The following PDLIM5 variants were observed in gnomAD, a reference collection of about 807,000 sequenced individuals.
The protein encoded by PDLIM5 is PDZ and LIM domain 5, also known as PDZ and LIM domain protein 5.
A neutral mutation model predicts 64.2 loss-of-function variants in PDLIM5; 34 were observed. The ratio of observed to expected loss-of-function variants is 0.53; its 90% CI spans 0.40 to 0.71. The LOEUF (loss-of-function observed/expected upper bound fraction) is 0.71, where lower values mean the gene tolerates loss of function less well. Ranked by LOEUF, PDLIM5 falls within the 30% of genes least tolerant of loss-of-function variation. The probability of loss-of-function intolerance (pLI) is 0.00; values close to 1 mark genes in which losing one functional copy is unlikely to be tolerated. For missense variants in PDLIM5, 683 were observed against 733.6 expected (o/e 0.93, Z 0.80); for synonymous variants, 253 against 269.1 (o/e 0.94, Z 0.59).
At chr4:94,584,827 A>G in intron 5 of PDLIM5, 2 of 563,694 alleles carry the variant, frequency 3.5e-6, no homozygotes, top group South Asian at 2.5e-5. Flanking sequence ...TGTGTTTCGT[A>G]TGGCATACAG....
chr4:94,511,973 G>A (rs1354202171), intron 2 of PDLIM5, among the ~76,000 whole-genome samples: 1 of 148,258 alleles, frequency 6.7e-6, no homozygotes, highest in Non-Finnish European at 1.5e-5. Context: ...CTGACTTCCT[G>A]TCTTTTGAGT....
chr4:94,626,584 T>C (rs917202409), intron 8 of PDLIM5, among the ~76,000 whole-genome samples: 2 of 152,208 alleles, frequency 1.3e-5, no homozygotes, highest in African/African-American at 4.8e-5. Context: ...TGGCAACTGC[T>C]AAGATCTGTT....
At chr4:94,586,770 A>G (rs920035277) in intron 7 of PDLIM5, among the ~76,000 whole-genome samples, 1 of 152,182 alleles carries the variant, frequency 6.6e-6, no homozygotes, top group African/African-American at 2.4e-5. Context: ...TTTTGAACAT[A>G]AAAATGTATG....
intron 4 of PDLIM5, 183 bp downstream of exon 4, chr4:94,573,576 A>G (rs770249727): frequency 2.4e-5 from 16 of 657,780 alleles, no homozygotes; most frequent in Non-Finnish European, 3.9e-5. Flanking sequence ...ACCATTTGTA[A>G]TTATACATGT....
intron 7 of PDLIM5, among the ~76,000 whole-genome samples, chr4:94,605,674 G>A (rs1737850829): frequency 6.6e-6 from 1 of 152,158 alleles, no homozygotes; most frequent in African/African-American, 2.4e-5. Flanking sequence ...GCAATGAAGA[G>A]ATAATCAATA....
intron 2 of PDLIM5, among the ~76,000 whole-genome samples, chr4:94,499,652 C>T (rs1449224986): frequency 6.6e-6 from 1 of 152,092 alleles, no homozygotes; most frequent in Non-Finnish European, 1.5e-5. Flanking sequence ...GGCACTAGTC[C>T]CCAGTCCCCG....
chr4:94,647,084 A>G (rs1164945797), intron 9 of PDLIM5, among the ~76,000 whole-genome samples: 1 of 152,168 alleles, frequency 6.6e-6, no homozygotes, highest in Non-Finnish European at 1.5e-5. Flanking sequence ...TTATGTAGGA[A>G]AGGGAACAAA....
intron 2 of PDLIM5, chr4:94,456,820 T>A (rs1723414755): frequency 1.7e-6 from 2 of 1,148,156 alleles, no homozygotes; most frequent in Non-Finnish European, 2.2e-6. Flanking sequence ...CCAACAAACT[T>A]GGATATTTAT....
At chr4:94,516,103 G>A (rs1204849561) in intron 2 of PDLIM5, among the ~76,000 whole-genome samples, 1 of 152,204 alleles carries the variant, frequency 6.6e-6, no homozygotes, top group Non-Finnish European at 1.5e-5. Flanking sequence ...AGAGTAAGAT[G>A]CTGTTTTACT....
intron 2 of PDLIM5, among the ~76,000 whole-genome samples, chr4:94,486,106 T>C (rs560066326): frequency 8.4e-4 from 128 of 152,302 alleles, no homozygotes; most frequent in Non-Finnish European, 1.7e-3. Context: ...AAAATTCTTA[T>C]GTTCCAACCA....
At position 94,575,782 on chromosome 4, in the gene PDLIM5, C is replaced by T; in HGVS notation, c.458C>T (p.Ala153Val). ...IPSPSSAFTP[A>V]HATTSSHASP... ...TCACCATCGTCTGCCTTCACCCCAG[C>T]CCATGCGACCACCTCATCACATGCT... Residue 153 changes from alanine (A) to valine (V), a missense_variant, in exon 5 of 13, where the codon GCC becomes GTC. Physicochemically the swap from Ala to Val is moderately conservative, Grantham distance 64. Transcript: ENST00000317968. 6.2e-7 allele frequency: 1 copy of T among 1,614,102 alleles called. No homozygotes were observed. The highest frequency in any genetic ancestry group is 8.5e-7 in the Non-Finnish European group (1 of 1,180,014).
intron 2 of PDLIM5, among the ~76,000 whole-genome samples, chr4:94,472,628 C>T (rs556036065): frequency 6.6e-6 from 1 of 152,272 alleles, no homozygotes; most frequent in East Asian, 1.9e-4. Flanking sequence ...TCACCATGCT[C>T]TTTATCTTGC....
rs796511587 is a variant in PDLIM5 at position 94,665,783 on chromosome 4, C to A, written c.*1716C>A. ...TGGTTTTCTCTCAATAATAAGTGAA[C>A]CAATTTCAAATGTGATCACAAAGTT... On this transcript the variant is annotated 3_prime_UTR_variant, in exon 13 of 13. Transcript: ENST00000317968. 1.7e-5 allele frequency: 22 copies of A among 1,269,760 alleles called. No homozygotes were observed. In the African/African-American group the frequency reaches 2.9e-4, roughly 17 times the overall value. 78.7% of individuals were successfully genotyped at this position (1,269,760 alleles called of 1,614,324 possible). A position where few individuals can be genotyped will look rare whatever the true frequency, so the allele number is the denominator to read the frequency against.
intron 7 of PDLIM5, among the ~76,000 whole-genome samples, chr4:94,604,038 A>G (rs940362479): frequency 2.6e-5 from 4 of 152,172 alleles, no homozygotes; most frequent in Non-Finnish European, 5.9e-5. Flanking sequence ...AAATCTGGAC[A>G]TTAGGTGGTG....
At chr4:94,654,015 A>G (rs190574206) in intron 9 of PDLIM5, among the ~76,000 whole-genome samples, 2 of 152,256 alleles carry the variant, frequency 1.3e-5, no homozygotes, top group African/African-American at 2.4e-5. Context: ...TTTTAGCACT[A>G]TGACTTACCA....
In PDLIM5 at chr4:94,472,299, A is replaced by G. The variant is rs140690047; in HGVS notation, c.96+16915A>G. Reference sequence around the variant, plus strand: ...CTTCTTCCATCTGTCATGGTCTGGCATAAACTCTCCAAGAGATTTGAAGGG... The same window carrying G: ...CTTCTTCCATCTGTCATGGTCTGGCGTAAACTCTCCAAGAGATTTGAAGGG... On this transcript the variant is annotated intron_variant, in intron 2 of 12. Transcript: ENST00000317968. Among the ~76,000 whole-genome samples the G allele has an allele frequency of 3.5e-3, 529 of 152,302 alleles. 3 individuals are homozygous for G. Among genetic ancestry groups the G allele is most frequent in the Non-Finnish European group, 5.2e-3 (355 of 68,028 alleles).
chr4:94,626,619 A>C (rs1228066098), intron 8 of PDLIM5, among the ~76,000 whole-genome samples: 1 of 152,136 alleles, frequency 6.6e-6, no homozygotes, highest in Non-Finnish European at 1.5e-5. Context: ...CTTTGCATCT[A>C]AACTCCGTTT....
At chr4:94,473,482 G>C (rs181375868) in intron 2 of PDLIM5, among the ~76,000 whole-genome samples, 1 of 152,064 alleles carries the variant, frequency 6.6e-6, no homozygotes, top group Non-Finnish European at 1.5e-5. Flanking sequence ...GGCTGGTCTC[G>C]AACTCCTGAC....
At chr4:94,483,404 A>G (rs1231273517) in intron 2 of PDLIM5, among the ~76,000 whole-genome samples, 2 of 152,174 alleles carry the variant, frequency 1.3e-5, no homozygotes, top group Non-Finnish European at 2.9e-5. Flanking sequence ...TTTCCAACAT[A>G]AGATACTCAG....
Sources: gnomAD v4.1 joint callset for allele counts (sites outside exome capture counted in the v4.1 genomes callset) on GRCh38, gnomAD v4.1.1 for gene constraint, MANE v1.5 for transcripts, NCBI Gene and HGNC (gene_info 2026-07-23, HGNC 2026-07-21) for gene names.